Variants in GRM7 observed in about 807,000 individuals in gnomAD.
GRM7 encodes the protein metabotropic glutamate receptor 7.
A neutral mutation model predicts 84.5 loss-of-function variants in GRM7; 35 were observed. The observed-to-expected ratio is 0.41, with a 90% confidence interval of 0.32 to 0.55. The LOEUF is 0.55. Among genes scored for constraint, GRM7 ranks in the 20% least tolerant of loss-of-function variants. The probability of loss-of-function intolerance (pLI) is 0.19; values close to 1 mark genes in which losing one functional copy is unlikely to be tolerated. For missense variants in GRM7, 1,003 were observed against 1,194.6 expected (o/e 0.84, Z 2.36); for synonymous variants, 487 against 455.1 (o/e 1.07, Z -0.89).
At chr3:7,090,869 CT>C in intron 1 of GRM7, among the ~76,000 whole-genome samples, 1 of 152,188 alleles carries the variant, frequency 6.6e-6, no homozygotes, top group South Asian at 2.1e-4. Flanking sequence ...AATTTAGCTT[CT>C]TAATAAAATA....
intron 8 of GRM7, among the ~76,000 whole-genome samples, chr3:7,661,154 T>G (rs1214627944): frequency 1.3e-5 from 2 of 152,064 alleles, no homozygotes; most frequent in African/African-American, 4.8e-5. Context: ...TAGTGTTAAG[T>G]GAATGAAAAG....
At chr3:7,545,736 G>A (rs1467983616) in intron 7 of GRM7, among the ~76,000 whole-genome samples, 2 of 152,128 alleles carry the variant, frequency 1.3e-5, no homozygotes, top group Admixed American at 1.3e-4. Flanking sequence ...AGGCAATTTT[G>A]AGGGTCTGGA....
chr3:6,939,768 A>G (rs1194895194), intron 1 of GRM7, among the ~76,000 whole-genome samples: 2 of 152,144 alleles, frequency 1.3e-5, no homozygotes, highest in East Asian at 1.9e-4. Flanking sequence ...CTTAAATTGA[A>G]TATTTACCTA....
At chr3:7,245,587 T>C (rs1697728109) in intron 2 of GRM7, among the ~76,000 whole-genome samples, 1 of 151,982 alleles carries the variant, frequency 6.6e-6, no homozygotes, top group Admixed American at 6.6e-5. Flanking sequence ...ACAGAGAATA[T>C]CCTTCAAAAA....
At chr3:6,973,619 T>C (rs551766163) in intron 1 of GRM7, among the ~76,000 whole-genome samples, 1 of 152,268 alleles carries the variant, frequency 6.6e-6, no homozygotes, top group East Asian at 1.9e-4. Context: ...GATAGAGTGA[T>C]ATTTTGGTGA....
At chr3:7,383,528 C>T (rs1340588578) in intron 4 of GRM7, among the ~76,000 whole-genome samples, 2 of 152,150 alleles carry the variant, frequency 1.3e-5, no homozygotes, top group East Asian at 1.9e-4. Context: ...ATACATACTT[C>T]TCTATTGAAT....
At chr3:6,910,771 C>T (rs532605148) in intron 1 of GRM7, among the ~76,000 whole-genome samples, 18 of 152,232 alleles carry the variant, frequency 1.2e-4, no homozygotes, top group African/African-American at 2.6e-4. Context: ...CAAAGCATCT[C>T]ATTCTCTAGG....
intron 2 of GRM7, among the ~76,000 whole-genome samples, chr3:7,228,316 T>G (rs1697049918): frequency 6.6e-6 from 1 of 152,182 alleles, no homozygotes; most frequent in South Asian, 2.1e-4. Flanking sequence ...TTAGTTATAG[T>G]TCATTGGTAG....
At chr3:7,529,131 TG>T (rs1394748347) in intron 7 of GRM7, among the ~76,000 whole-genome samples, 10 of 152,102 alleles carry the variant, frequency 6.6e-5, no homozygotes, top group African/African-American at 2.2e-4. Flanking sequence ...TGAATATTTT[TG>T]CAAGAATCTT....
In GRM7 at chr3:7,205,251, A is replaced by G. The variant is rs562504071; in HGVS notation, c.736+58583A>G. Among the ~76,000 whole-genome samples, 19 of 152,352 alleles carry G rather than the reference A, an allele frequency of 1.2e-4. No homozygotes were observed. In the East Asian group the frequency reaches 3.5e-3, roughly 28 times the overall value. Reference sequence around the variant, plus strand: ...GGCTTTCAGAAACTTATTGAAAATAATAACTGCAAAAGGCTGAAGATCTGG... The same window carrying G: ...GGCTTTCAGAAACTTATTGAAAATAGTAACTGCAAAAGGCTGAAGATCTGG... On this transcript the variant is annotated intron_variant, in intron 2 of 9. Coordinates refer to ENST00000357716, the MANE Select transcript of GRM7 (RefSeq NM_000844.4).
chr3:7,146,397 G>T, intron 1 of GRM7, 55 bp from the exon 2 acceptor site: 2 of 1,272,202 alleles, frequency 1.6e-6, no homozygotes, highest in Non-Finnish European at 2.3e-6. Flanking sequence ...AAGTATAAAT[G>T]AGTCTCTTAC....
At chr3:7,561,942 G>A (rs1694044628) in intron 7 of GRM7, among the ~76,000 whole-genome samples, 1 of 152,098 alleles carries the variant, frequency 6.6e-6, no homozygotes, top group Admixed American at 6.5e-5. Flanking sequence ...TTACATCGAA[G>A]TGACATGAAA....
intron 7 of GRM7, among the ~76,000 whole-genome samples, chr3:7,559,810 TA>T (rs1391510586): frequency 2.0e-5 from 3 of 152,120 alleles, no homozygotes; most frequent in African/African-American, 7.2e-5. Flanking sequence ...TTCTGAAGGT[TA>T]GATGTCCAAC....
intron 2 of GRM7, among the ~76,000 whole-genome samples, chr3:7,195,956 T>A (rs1695864654): frequency 6.6e-6 from 1 of 152,182 alleles, no homozygotes. Context: ...GATATAAAGA[T>A]AAATATACAG....
intron 1 of GRM7, among the ~76,000 whole-genome samples, chr3:7,098,484 A>G (rs116780697): frequency 2.6e-5 from 4 of 152,030 alleles, no homozygotes; most frequent in African/African-American, 9.7e-5. Context: ...ACAGCAAACT[A>G]TAGAATCAGA....
chr3:7,740,607 T>C lies in GRM7; in HGVS notation c.*201T>C. 2.3e-6 allele frequency: 1 copy of C among 439,282 alleles called. No homozygotes were observed. Among genetic ancestry groups the C allele is most frequent in the Non-Finnish European group, 4.0e-6 (1 of 249,194 alleles). The allele number at this position is 439,282 out of a possible 1,614,324, so 27.2% of individuals were successfully genotyped here. ...ACTTTATCTGGGCTTAATAAGTCAC[T>C]GACATCAGCACTGCCAACTCGGCTG... On this transcript the variant is annotated 3_prime_UTR_variant, in exon 10 of 10. Coordinates refer to ENST00000357716, the MANE Select transcript of GRM7 (RefSeq NM_000844.4).
intron 1 of GRM7, among the ~76,000 whole-genome samples, chr3:6,997,871 G>A (rs1410800799): frequency 6.6e-6 from 1 of 151,942 alleles, no homozygotes; most frequent in Non-Finnish European, 1.5e-5. Flanking sequence ...TGTAATCCCA[G>A]CACTTTGGGA....
At chr3:7,459,452 C>G (rs544624981) in intron 6 of GRM7, among the ~76,000 whole-genome samples, 2 of 152,110 alleles carry the variant, frequency 1.3e-5, no homozygotes, top group East Asian at 3.9e-4. Flanking sequence ...AAAGACTTGC[C>G]TAATACTGGG....
chr3:7,165,408 T>A (rs1168746582), intron 2 of GRM7, among the ~76,000 whole-genome samples: 4 of 152,240 alleles, frequency 2.6e-5, no homozygotes, highest in African/African-American at 9.6e-5. Context: ...ATCAAGTGTT[T>A]TATCACCTGG....
Sources: gnomAD v4.1 joint callset for allele counts (sites outside exome capture counted in the v4.1 genomes callset) on GRCh38, gnomAD v4.1.1 for gene constraint, MANE v1.5 for transcripts, NCBI Gene and HGNC (gene_info 2026-07-23, HGNC 2026-07-21) for gene names.